CADPS2: variants seen among roughly 807,000 people sequenced by gnomAD.
The protein encoded by CADPS2 is calcium-dependent secretion activator 2.
A neutral mutation model predicts 172.5 loss-of-function variants in CADPS2; 93 were observed. The ratio of observed to expected loss-of-function variants is 0.54; its 90% CI spans 0.46 to 0.64. The LOEUF (loss-of-function observed/expected upper bound fraction) is 0.64. CADPS2 is among the 30% of genes least tolerant of loss of function. The pLI, the probability that CADPS2 is intolerant of heterozygous loss-of-function variation, is 0.00. For missense variants in CADPS2, 1,420 were observed against 1,565.9 expected (o/e 0.91, Z 1.57); for synonymous variants, 546 against 555.2 (o/e 0.98, Z 0.23).
intron 14 of CADPS2, among the ~76,000 whole-genome samples, chr7:122,461,941 A>G (rs2054501314): frequency 6.6e-6 from 1 of 152,172 alleles, no homozygotes; most frequent in Non-Finnish European, 1.5e-5. Context: ...AAGAAAATGA[A>G]TGTCTTCAAA....
At chr7:122,616,512 T>C (rs1329655859) in intron 5 of CADPS2, among the ~76,000 whole-genome samples, 5 of 152,068 alleles carry the variant, frequency 3.3e-5, no homozygotes, top group African/African-American at 9.7e-5. Context: ...ATAAAATATA[T>C]AGGAAACTGA....
intron 20 of CADPS2, among the ~76,000 whole-genome samples, chr7:122,403,768 T>C (rs937213981): frequency 6.6e-6 from 1 of 152,142 alleles, no homozygotes; most frequent in South Asian, 2.1e-4. Context: ...AAGTAATTCA[T>C]TGTAGATAAG....
intron 1 of CADPS2, among the ~76,000 whole-genome samples, chr7:122,803,974 GAAAAA>G (rs869246600): frequency 3.5e-5 from 3 of 85,122 alleles, no homozygotes; most frequent in African/African-American, 1.3e-4. Context: ...GGCTTGAATG[GAAAAA>G]AAAAAAAAAA....
chr7:122,471,500 T>C lies in CADPS2; in HGVS notation c.2061A>G (p.Arg687=). ...GGTAGCAGAGATGTCTGTGACAGCCTCTCACACCATAACGGGCACAGTACT... is the reference window on the plus strand; with the variant it reads ...GGTAGCAGAGATGTCTGTGACAGCCCCTCACACCATAACGGGCACAGTACT... The part of the protein sequence containing the change: ...LDEYCARYGV[R]GCHRHLCYLA... The change falls in exon 14 of 30, where the codon AGA becomes AGG. Residue 687 remains arginine (R), a synonymous_variant. Coordinates refer to ENST00000449022, the MANE Select transcript of CADPS2 (RefSeq NM_017954.11). 6.2e-7 allele frequency: 1 copy of C among 1,612,366 alleles called. No homozygotes were observed. Among genetic ancestry groups the C allele is most frequent in the Middle Eastern group, 1.7e-4 (1 of 6,058 alleles).
At chr7:122,491,054 C>T (rs1464924759) in intron 10 of CADPS2, among the ~76,000 whole-genome samples, 4 of 152,240 alleles carry the variant, frequency 2.6e-5, no homozygotes, top group Middle Eastern at 3.4e-3. Flanking sequence ...TGTAATATCT[C>T]ACCTAATTAT....
intron 4 of CADPS2, among the ~76,000 whole-genome samples, chr7:122,627,103 A>G (rs979398665): frequency 6.6e-6 from 1 of 152,236 alleles, no homozygotes; most frequent in African/African-American, 2.4e-5. Context: ...TAAGAGAGCG[A>G]GCCCAGGCTC....
rs778222618 is a variant in CADPS2 at position 122,393,457 on chromosome 7, T to C, written c.2872A>G (p.Thr958Ala). The change falls in exon 21 of 30, where the codon ACA becomes GCA. Residue 958 changes from threonine (T) to alanine (A), a missense_variant. Coordinates refer to ENST00000449022, the MANE Select transcript of CADPS2 (RefSeq NM_017954.11). Reference protein sequence around the residue: ...QSIHRGFEQETWQPVKNIANS... With the variant: ...QSIHRGFEQEAWQPVKNIANS... ...GATACCTACTTGACAGGCTGCCATGTCTCCTGCTCAAAACCTCTGTGAATT... is the reference window on the plus strand; with the variant it reads ...GATACCTACTTGACAGGCTGCCATGCCTCCTGCTCAAAACCTCTGTGAATT... 1.6e-5 allele frequency: 26 copies of C among 1,613,658 alleles called. No homozygotes were observed. The highest frequency in any genetic ancestry group is 2.1e-5 in the Non-Finnish European group (25 of 1,179,812).
intron 2 of CADPS2, among the ~76,000 whole-genome samples, chr7:122,705,747 T>C (rs1182747721): frequency 9.7e-5 from 1 of 10,348 alleles, no homozygotes; most frequent in African/African-American, 2.3e-4. Context: ...TAATATATAA[T>C]ATATATAATA....
chr7:122,781,534 C>T (rs1235139071), intron 1 of CADPS2, among the ~76,000 whole-genome samples: 1 of 152,154 alleles, frequency 6.6e-6, no homozygotes, highest in Non-Finnish European at 1.5e-5. Context: ...CAACTGCTAA[C>T]AACTGATGAT....
In CADPS2 at chr7:122,387,138, G is replaced by T; in HGVS notation, c.3200C>A (p.Ala1067Glu). 1 of 1,579,760 alleles carries T rather than the reference G, an allele frequency of 6.3e-7. No homozygotes were observed. Residue 1067 changes from alanine (A) to glutamate (E), a missense_variant, in exon 24 of 30, where the codon GCA becomes GAA. Ala to Glu is a moderately radical substitution (Grantham distance 107). Transcript: ENST00000449022. Reference protein sequence around the residue: ...RTAFELKLQKASKTTDLRIPA... With the variant: ...RTAFELKLQKESKTTDLRIPA... ...AATGCGCAAGTCAGTTGTTTTGCTT[G>T]CCTTTTGTAGCTTGAGTTCAAATGC...
At chr7:122,692,901 A>G (rs66552780) in intron 2 of CADPS2, among the ~76,000 whole-genome samples, 10,023 of 152,204 alleles carry the variant, frequency 0.066, 370 homozygotes, top group South Asian at 0.17. Context: ...CAGCAGCTTA[A>G]CTCTCTCTCT....
rs555703462 is a variant in CADPS2, at chr7:122,643,255, T to C, written c.787-13927A>G. ...AATGGTCAAAAGTTTTATTAAGTAT[T>C]AGCAAATTAATGTACCTTATCAATA... On this transcript the variant is annotated intron_variant, in intron 3 of 29. Coordinates refer to ENST00000449022, the MANE Select transcript of CADPS2 (RefSeq NM_017954.11). Among the ~76,000 whole-genome samples, 12 of 152,302 alleles carry C rather than the reference T, an allele frequency of 7.9e-5. No individual in the cohort carries two copies. In the South Asian group the frequency reaches 2.5e-3, roughly 32 times the overall value.
At chr7:122,661,416 T>C (rs1254861470) in intron 3 of CADPS2, among the ~76,000 whole-genome samples, 1 of 151,974 alleles carries the variant, frequency 6.6e-6, no homozygotes, top group Non-Finnish European at 1.5e-5. Context: ...GTTAATAACA[T>C]AAACTCATAG....
chr7:122,816,591 T>G (rs891391888), intron 1 of CADPS2, among the ~76,000 whole-genome samples: 1 of 152,232 alleles, frequency 6.6e-6, no homozygotes, highest in Non-Finnish European at 1.5e-5. Flanking sequence ...TATTTTTAGT[T>G]TTTGGAGGAA....
At chr7:122,489,570 A>G (rs2058108526) in intron 11 of CADPS2, among the ~76,000 whole-genome samples, 1 of 152,104 alleles carries the variant, frequency 6.6e-6, no homozygotes, top group Non-Finnish European at 1.5e-5. Context: ...AAAAAGTGAC[A>G]TGTCTTTAAG....
intron 7 of CADPS2, among the ~76,000 whole-genome samples, chr7:122,566,446 T>A (rs1314197790): frequency 6.6e-6 from 1 of 152,138 alleles, no homozygotes; most frequent in East Asian, 1.9e-4. Context: ...AATCTGTATA[T>A]AGAAGAGATA....
chr7:122,362,805 G>A (rs2040344495), intron 25 of CADPS2, among the ~76,000 whole-genome samples: 3 of 152,164 alleles, frequency 2.0e-5, no homozygotes, highest in Non-Finnish European at 4.4e-5. Flanking sequence ...AACTCGCTGT[G>A]AGTGCATAGG....
intron 7 of CADPS2, among the ~76,000 whole-genome samples, chr7:122,562,944 T>C (rs1057392593): frequency 5.3e-5 from 8 of 150,982 alleles, no homozygotes; most frequent in Admixed American, 3.9e-4. Context: ...AAGACCATTA[T>C]GTTTATATTA....
At chr7:122,435,720 C>A (rs1436964008) in intron 17 of CADPS2, among the ~76,000 whole-genome samples, 1 of 152,066 alleles carries the variant, frequency 6.6e-6, no homozygotes, top group African/African-American at 2.4e-5. Flanking sequence ...ATCTGCTCTC[C>A]CATGTTCATT....
Sources: allele counts gnomAD v4.1 joint callset (sites outside exome capture counted in the v4.1 genomes callset), GRCh38; gene constraint gnomAD v4.1.1; transcripts MANE v1.5; gene names NCBI Gene and HGNC (gene_info 2026-07-23, HGNC 2026-07-21).